AP3B1: variants seen among roughly 807,000 people sequenced by gnomAD.
The protein encoded by AP3B1 is adaptor related protein complex 3 subunit beta 1, also known as AP-3 complex subunit beta-1.
AP3B1 carries 61 observed loss-of-function variants against 132.5 expected under a neutral mutation model. The ratio of observed to expected loss-of-function variants is 0.46; its 90% confidence interval spans 0.37 to 0.57. The LOEUF (loss-of-function observed/expected upper bound fraction) is 0.57, where lower values mean the gene tolerates loss of function less well. Among genes scored for constraint, AP3B1 ranks in the 20% least tolerant of loss-of-function variants. The pLI is 0.00. For synonymous variants in AP3B1, 388 were observed against 438.3 expected, an observed-to-expected ratio of 0.89 and a Z score of 1.43; for missense variants, 1,120 against 1,289.4, an observed-to-expected ratio of 0.87 and a Z score of 2.01.
rs77767472 is a variant in AP3B1 at position 78,015,128 on chromosome 5, A to T, written c.3131+282T>A. 0.034 allele frequency among the ~76,000 whole-genome samples: 5,172 copies of T among 152,280 alleles called. 297 individuals carry two copies. Among genetic ancestry groups the T allele is most frequent in the African/African-American group, 0.12 (4,904 of 41,538 alleles). On this transcript the variant is annotated intron_variant, in intron 26 of 26. Transcript: ENST00000255194. ...ATAAGATAAACTCTCAACCACCTCA[A>T]AAAGGGTAACTTTATAAATTACCAA...
At chr5:78,027,709 C>G (rs914376378) in intron 24 of AP3B1, among the ~76,000 whole-genome samples, 2 of 152,060 alleles carry the variant, frequency 1.3e-5, no homozygotes, top group African/African-American at 4.8e-5. Context: ...ATTATATCTT[C>G]CTTTATGCCC....
At chr5:78,004,100 A>C (rs1561347442) in intron 26 of AP3B1, among the ~76,000 whole-genome samples, 1 of 152,190 alleles carries the variant, frequency 6.6e-6, no homozygotes, top group Non-Finnish European at 1.5e-5. Context: ...CCCACTTTGC[A>C]GGGCCAATCC....
rs1297419889 is a variant in AP3B1 at position 78,220,456 on chromosome 5, C to T, written c.604-4219G>A. ...CTATTTTCATGCTTGTATCACAAAACTTCACAAAGACCTCCAACAGTATAG... is the reference window on the plus strand; with the variant it reads ...CTATTTTCATGCTTGTATCACAAAATTTCACAAAGACCTCCAACAGTATAG... On this transcript the variant is annotated intron_variant, in intron 6 of 26. Coordinates refer to ENST00000255194, the MANE Select transcript of AP3B1 (RefSeq NM_003664.5). 3.3e-5 allele frequency among the ~76,000 whole-genome samples: 5 copies of T among 151,656 alleles called. 1 individual carries two copies. The highest frequency in any genetic ancestry group is 3.3e-4 in the Admixed American group (5 of 15,218).
Position 78,285,064 on chromosome 5 carries a change from G to A in AP3B1, c.128+9388C>T, listed in dbSNP as rs375375699. ...AGATGGAGACCATCCCGGCTAACACGGTGAAACCCCGTCTCTACTAAAAAT... is the reference window on the plus strand; with the variant it reads ...AGATGGAGACCATCCCGGCTAACACAGTGAAACCCCGTCTCTACTAAAAAT... On this transcript the variant is annotated intron_variant, in intron 1 of 26. Coordinates refer to ENST00000255194, the MANE Select transcript of AP3B1 (RefSeq NM_003664.5). 9.6e-4 allele frequency among the ~76,000 whole-genome samples: 146 copies of A among 152,152 alleles called. 1 individual carries two copies. Among genetic ancestry groups the A allele is most frequent in the Middle Eastern group, 6.8e-3 (2 of 294 alleles).
At position 78,141,183 on chromosome 5, in the gene AP3B1, A is replaced by G. The variant is rs1016333964; in HGVS notation, c.1610T>C (p.Leu537Ser). 2.5e-6 allele frequency: 4 copies of G among 1,613,678 alleles called. No individual in the cohort carries two copies. In the African/African-American group the frequency reaches 5.3e-5, roughly 22 times the overall value. Residue 537 changes from leucine to serine, a missense_variant, in exon 15 of 27, where the codon TTA (leucine) becomes TCA (serine). Transcript: ENST00000255194. ...TAAATACAATTTTGCTCCCAGATTT[A>G]ATATCTGCAGTTTTACCAGATCATC... is the stretch of plus-strand genomic sequence containing the variant. ...SEDDLVKLQI[L>S]NLGAKLYLTN...
intron 6 of AP3B1, among the ~76,000 whole-genome samples, chr5:78,219,087 C>A (rs1447363664): frequency 1.3e-5 from 2 of 151,966 alleles, no homozygotes; most frequent in Non-Finnish European, 2.9e-5. Context: ...CTATACACTA[C>A]CAATCTATTC....
chr5:78,126,850 CT>C (rs1752486500), intron 17 of AP3B1, among the ~76,000 whole-genome samples: 1 of 152,160 alleles, frequency 6.6e-6, no homozygotes. Context: ...CTATCACTTA[CT>C]TGCCATGTGA....
chr5:78,026,018 C>G (rs72774596), intron 24 of AP3B1, among the ~76,000 whole-genome samples: 23,501 of 152,188 alleles, frequency 0.15, 2,307 homozygotes, highest in Admixed American at 0.26. Flanking sequence ...TAAGCATCTC[C>G]TTTTCTACCA....
intron 22 of AP3B1, among the ~76,000 whole-genome samples, chr5:78,054,611 T>G (rs2112131415): frequency 6.6e-6 from 1 of 152,310 alleles, no homozygotes; most frequent in East Asian, 1.9e-4. Context: ...AGCTAGGCCA[T>G]GAACCTTACA....
intron 18 of AP3B1, 124 bp downstream of exon 18, chr5:78,116,002 T>G: frequency 1.4e-6 from 1 of 740,568 alleles, no homozygotes; most frequent in Non-Finnish European, 2.4e-6. Context: ...TGAAAGGGAT[T>G]ATTTTGATAA....
At chr5:78,089,694 A>G (rs1750427935) in intron 21 of AP3B1, among the ~76,000 whole-genome samples, 195 bp from the exon 22 acceptor site, 1 of 152,238 alleles carries the variant, frequency 6.6e-6, no homozygotes, top group African/African-American at 2.4e-5. Context: ...TTCAAAACAT[A>G]ATGGCAAATC....
intron 7 of AP3B1, among the ~76,000 whole-genome samples, chr5:78,193,744 T>TATATATATATATATATA (rs1262089756): frequency 3.6e-5 from 4 of 110,412 alleles, no homozygotes; most frequent in African/African-American, 1.3e-4. Context: ...ATATATTTTT[T>TATATATATATATATATA]TATATATATA....
At chr5:78,050,553 T>C (rs896340278) in intron 22 of AP3B1, among the ~76,000 whole-genome samples, 1 of 151,146 alleles carries the variant, frequency 6.6e-6, no homozygotes, top group Non-Finnish European at 1.5e-5. Context: ...TCTATATTAA[T>C]ATTTGTTGGT....
intron 8 of AP3B1, among the ~76,000 whole-genome samples, chr5:78,180,618 A>G (rs1744324705): frequency 6.6e-6 from 1 of 152,050 alleles, no homozygotes; most frequent in Non-Finnish European, 1.5e-5. Flanking sequence ...TTGGTATTAA[A>G]TGAAATGAAA....
At chr5:78,000,740 A>G (rs116087487), downstream of AP3B1, 37 of 152,348 alleles carry the variant, frequency 2.4e-4, no homozygotes, top group African/African-American at 8.2e-4. Flanking sequence ...GCTAGAATTA[A>G]GAATTCAACA....
In AP3B1 at chr5:78,131,146, G is replaced by A. The variant is rs1453183769; in HGVS notation, c.1651-1839C>T. On this transcript the variant is annotated intron_variant, in intron 15 of 26. Transcript: ENST00000255194. ...CAATGATGCACTAAAACCATAAGCA[G>A]AATAGTTATTCACCACACATTTACA... 2.6e-5 allele frequency among the ~76,000 whole-genome samples: 4 copies of A among 151,496 alleles called. No homozygotes were observed. In the South Asian group the frequency reaches 6.2e-4, roughly 24 times the overall value.
chr5:78,087,120 T>C (rs1217942304), intron 22 of AP3B1, among the ~76,000 whole-genome samples: 3 of 152,172 alleles, frequency 2.0e-5, no homozygotes, highest in Non-Finnish European at 2.9e-5. Flanking sequence ...GTTTATTATA[T>C]ATTACTTTTA....
chr5:78,011,487 TA>T (rs1359491183), intron 26 of AP3B1, among the ~76,000 whole-genome samples: 1 of 152,232 alleles, frequency 6.6e-6, no homozygotes. Flanking sequence ...AAATTACAAC[TA>T]AAAATCATAT....
rs377752924 is a variant in AP3B1 at position 78,265,115 on chromosome 5, T to C, written c.204+2405A>G. Among the ~76,000 whole-genome samples, 19 of 152,274 alleles carry C rather than the reference T, an allele frequency of 1.2e-4. No individual in the cohort carries two copies. The East Asian group carries it at 2.5e-3, about 20-fold the overall frequency. On this transcript the variant is annotated intron_variant, in intron 2 of 26. Transcript: ENST00000255194. ...AAATAATAAAAATCAATATTTAGTA[T>C]ACTATAACTTAAAACGTTGGAAAAA... is the stretch of plus-strand genomic sequence containing the variant.
Sources: allele counts gnomAD v4.1 joint callset (sites outside exome capture counted in the v4.1 genomes callset), GRCh38; gene constraint gnomAD v4.1.1; transcripts MANE v1.5; gene names NCBI Gene and HGNC (gene_info 2026-07-23, HGNC 2026-07-21).